Variants in MYO1D observed in about 807,000 individuals in gnomAD.
MYO1D encodes the protein unconventional myosin-Id.
In MYO1D, 83 loss-of-function variants were observed where a neutral mutation model predicts 122.0. The observed-to-expected ratio is 0.68, with a 90% confidence interval of 0.57 to 0.82. The LOEUF (loss-of-function observed/expected upper bound fraction) is 0.82, where lower values mean the gene tolerates loss of function less well. Ranked by LOEUF, MYO1D falls within the 40% of genes least tolerant of loss-of-function variation. MYO1D has a pLI of 0.00. For missense variants in MYO1D, 1,157 were observed against 1,269.5 expected (o/e 0.91, Z 1.35); for synonymous variants, 464 against 446.9 (o/e 1.04, Z -0.48).
intron 17 of MYO1D, among the ~76,000 whole-genome samples, chr17:32,656,999 A>T (rs916087480): frequency 6.6e-6 from 1 of 152,176 alleles, no homozygotes; most frequent in Non-Finnish European, 1.5e-5. Flanking sequence ...GGGATTCAGG[A>T]CCTGACCTAT....
intron 14 of MYO1D, among the ~76,000 whole-genome samples, chr17:32,727,166 C>A (rs1194637849): frequency 6.6e-6 from 1 of 152,224 alleles, no homozygotes; most frequent in Non-Finnish European, 1.5e-5. Context: ...GCACCAATCT[C>A]TTCAAAAGGC....
intron 21 of MYO1D, among the ~76,000 whole-genome samples, chr17:32,547,975 A>G (rs1393639110): frequency 6.6e-6 from 1 of 150,850 alleles, no homozygotes; most frequent in African/African-American, 2.4e-5. Context: ...TTCACTACGG[A>G]GAGTGGTCCA....
chr17:32,516,899 G>A (rs899857383), intron 21 of MYO1D, among the ~76,000 whole-genome samples: 21 of 152,236 alleles, frequency 1.4e-4, no homozygotes, highest in Admixed American at 1.3e-4. Context: ...CCTGGCTGGT[G>A]TAAATGGGCT....
At chr17:32,575,356 A>C (rs2087269187) in intron 21 of MYO1D, among the ~76,000 whole-genome samples, 2 of 152,256 alleles carry the variant, frequency 1.3e-5, no homozygotes, top group Non-Finnish European at 2.9e-5. Flanking sequence ...ACAAAGCCTT[A>C]CATTTGATTT....
chr17:32,745,407 T>C (rs2089824749), intron 12 of MYO1D, 122 bp from the exon 13 acceptor site: 2 of 634,896 alleles, frequency 3.2e-6, no homozygotes, highest in Non-Finnish European at 5.6e-6. Context: ...TAAAAGCTGA[T>C]ATTGTTCATC....
chr17:32,867,842 G>C (rs1166773368), intron 1 of MYO1D, among the ~76,000 whole-genome samples: 1 of 143,632 alleles, frequency 7.0e-6, no homozygotes, highest in East Asian at 2.0e-4. Flanking sequence ...GTAGTTGCTA[G>C]CTTTAATACC....
intron 16 of MYO1D, among the ~76,000 whole-genome samples, chr17:32,707,943 T>C (rs1314826167): frequency 6.6e-6 from 1 of 152,204 alleles, no homozygotes; most frequent in Non-Finnish European, 1.5e-5. Context: ...GCCACTCTAC[T>C]GGGAGAAGAC....
chr17:32,817,549 C>T (rs1157102206), intron 1 of MYO1D, among the ~76,000 whole-genome samples: 1 of 152,118 alleles, frequency 6.6e-6, no homozygotes, highest in African/African-American at 2.4e-5. Flanking sequence ...GTAATCCTTC[C>T]CAGCTATAAA....
intron 1 of MYO1D, among the ~76,000 whole-genome samples, chr17:32,844,249 A>G (rs1375264704): frequency 1.4e-5 from 2 of 147,174 alleles, no homozygotes; most frequent in East Asian, 1.9e-4. Context: ...GTGTATATAT[A>G]ATATATAATA....
At chr17:32,865,907 C>T (rs2091119927) in intron 1 of MYO1D, among the ~76,000 whole-genome samples, 1 of 152,192 alleles carries the variant, frequency 6.6e-6, no homozygotes, top group Non-Finnish European at 1.5e-5. Flanking sequence ...CTTACTGGAA[C>T]CCTTCACTTA....
chr17:32,625,405 C>A (rs2087914004), intron 20 of MYO1D, among the ~76,000 whole-genome samples: 1 of 152,148 alleles, frequency 6.6e-6, no homozygotes, highest in African/African-American at 2.4e-5. Context: ...TGGTCAACTT[C>A]TCTGAGAATT....
At chr17:32,716,215 G>T (rs1217996986) in intron 15 of MYO1D, among the ~76,000 whole-genome samples, 1 of 152,154 alleles carries the variant, frequency 6.6e-6, no homozygotes, top group Non-Finnish European at 1.5e-5. Flanking sequence ...TCTAGTCCTT[G>T]AAAGTCTGGC....
In MYO1D at chr17:32,744,316, C is replaced by G. The variant is rs144305364; in HGVS notation, c.1613+895G>C. Among the ~76,000 whole-genome samples, 671 of 152,314 alleles carry G rather than the reference C, an allele frequency of 4.4e-3. 19 individuals carry two copies. Among genetic ancestry groups the G allele is most frequent in the East Asian group, 0.032 (168 of 5,192 alleles). Reference sequence around the variant, plus strand: ...ATGTCACCTCTATAAGAGGCCTTTTCTGACTACCCTATCTATAATTCCTTC... The same window carrying G: ...ATGTCACCTCTATAAGAGGCCTTTTGTGACTACCCTATCTATAATTCCTTC... On this transcript the variant is annotated intron_variant, in intron 13 of 21. Coordinates refer to ENST00000318217, the MANE Select transcript of MYO1D (RefSeq NM_015194.3).
intron 1 of MYO1D, among the ~76,000 whole-genome samples, chr17:32,867,372 C>T (rs907076091): frequency 1.4e-4 from 21 of 151,200 alleles, no homozygotes; most frequent in African/African-American, 4.4e-4. Context: ...TGAGCTCAAT[C>T]ATATTTCACT....
At chr17:32,523,903 A>G (rs565587292) in intron 21 of MYO1D, among the ~76,000 whole-genome samples, 2 of 152,158 alleles carry the variant, frequency 1.3e-5, no homozygotes, top group South Asian at 2.1e-4. Flanking sequence ...TAACCTCTCC[A>G]AGCCTCAGTT....
At chr17:32,696,812 T>C (rs2089179306) in intron 16 of MYO1D, among the ~76,000 whole-genome samples, 1 of 152,222 alleles carries the variant, frequency 6.6e-6, no homozygotes, top group Admixed American at 6.5e-5. Flanking sequence ...TTTGTTTGAA[T>C]ATTTTTGTAG....
At chr17:32,845,638 C>T (rs986437667) in intron 1 of MYO1D, among the ~76,000 whole-genome samples, 1 of 152,146 alleles carries the variant, frequency 6.6e-6, no homozygotes, top group Non-Finnish European at 1.5e-5. Flanking sequence ...TAGTTCAATA[C>T]AGTAGCCACG....
chr17:32,787,706 G>A (rs1187599570), intron 1 of MYO1D, among the ~76,000 whole-genome samples: 1 of 152,020 alleles, frequency 6.6e-6, no homozygotes, highest in Non-Finnish European at 1.5e-5. Flanking sequence ...CGTGAGCCAC[G>A]GTGCCAGGCC....
intron 19 of MYO1D, among the ~76,000 whole-genome samples, chr17:32,650,503 C>A (rs1245394389): frequency 6.6e-6 from 1 of 152,090 alleles, no homozygotes; most frequent in African/African-American, 2.4e-5. Context: ...TCCTTCTCTC[C>A]TCTCCCTCAG....
Sources: gnomAD v4.1 joint callset for allele counts (sites outside exome capture counted in the v4.1 genomes callset) on GRCh38, gnomAD v4.1.1 for gene constraint, MANE v1.5 for transcripts, NCBI Gene and HGNC (gene_info 2026-07-23, HGNC 2026-07-21) for gene names.